The following MBOAT2 variants were observed in gnomAD, a reference collection of about 807,000 sequenced individuals.
The protein encoded by MBOAT2 is membrane bound glycerophospholipid O-acyltransferase 2, also known as membrane-bound glycerophospholipid O-acyltransferase 2.
MBOAT2 carries 28 observed loss-of-function variants against 63.4 expected under a neutral mutation model. That is an observed-to-expected ratio of 0.44 (90% CI 0.33 to 0.61). The LOEUF is 0.61. MBOAT2 is among the 20% of genes least tolerant of loss of function. MBOAT2 has a pLI of 0.03. For missense variants in MBOAT2, 470 were observed against 605.8 expected, an observed-to-expected ratio of 0.78 and a Z score of 2.35; for synonymous variants, 211 against 215.6, an observed-to-expected ratio of 0.98 and a Z score of 0.19.
intron 4 of MBOAT2, among the ~76,000 whole-genome samples, chr2:8,897,859 C>T (rs1292142200): frequency 1.3e-5 from 2 of 152,234 alleles, no homozygotes. Flanking sequence ...ATCTGAAGCA[C>T]TGGTCCCTCA....
At position 8,858,645 on chromosome 2, in the gene MBOAT2, C is replaced by CAA. The variant is rs35543955; in HGVS notation, c.*32_*33dup. The CAA allele has an allele frequency of 1.3e-3, 1,571 of 1,222,408 alleles. No homozygotes were observed. Among genetic ancestry groups the CAA allele is most frequent in the Non-Finnish European group, 1.5e-3 (1,331 of 890,544 alleles). The allele number at this position is 1,222,408 out of a possible 1,614,324, so 75.7% of individuals were successfully genotyped here. A position where few individuals can be genotyped will look rare whatever the true frequency, so the allele number is the denominator to read the frequency against. The stretch of plus-strand genomic sequence containing the variant: ...TGCTAAGATTGGTTTCTGTTAACAT[C>CAA]AAAAAAAAAAAACAGCCCTCAGAGC... On this transcript the variant is annotated 3_prime_UTR_variant, in exon 13 of 13. Transcript: ENST00000305997.
chr2:8,975,912 A>G (rs1670783637), intron 1 of MBOAT2, among the ~76,000 whole-genome samples: 1 of 151,784 alleles, frequency 6.6e-6, no homozygotes, highest in African/African-American at 2.4e-5. Context: ...ACTCTTTCTT[A>G]TCTCCTGAAT....
rs1050788947 is a variant in MBOAT2, at chr2:8,958,525, G to A, written c.193C>T (p.Leu65Phe). Residue 65 changes from leucine (L) to phenylalanine (F), a missense_variant, in exon 2 of 13, where the codon CTT (leucine) becomes TTT (phenylalanine). Physicochemically the swap from Leu to Phe is conservative, Grantham distance 22. Coordinates refer to ENST00000305997, the MANE Select transcript of MBOAT2 (RefSeq NM_138799.4). Reference protein sequence around the residue: ...IRHVVATLLGLYLALFCFGWY... With the variant: ...IRHVVATLLGFYLALFCFGWY... ...CCAAAGCAAAAAAGTGCAAGATAAA[G>A]GCCCAAAAGGGTAGCAACTACATGT... 6.2e-7 allele frequency: 1 copy of A among 1,601,194 alleles called. No individual in the cohort carries two copies. Among genetic ancestry groups the A allele is most frequent in the Non-Finnish European group, 8.5e-7 (1 of 1,176,616 alleles).
intron 1 of MBOAT2, among the ~76,000 whole-genome samples, chr2:8,969,438 C>T (rs1241456739): frequency 2.6e-5 from 4 of 152,162 alleles, no homozygotes; most frequent in Non-Finnish European, 5.9e-5. Context: ...TAAAGACCAT[C>T]GATGCTAGGA....
intron 1 of MBOAT2, among the ~76,000 whole-genome samples, chr2:8,959,636 A>AT (rs35972110): frequency 1.3e-5 from 2 of 151,828 alleles, no homozygotes; most frequent in Non-Finnish European, 2.9e-5. Context: ...TAATCTGTGC[A>AT]TTTTTTTGTA....
intron 3 of MBOAT2, among the ~76,000 whole-genome samples, chr2:8,909,244 T>G (rs541254032): frequency 6.6e-6 from 1 of 152,140 alleles, no homozygotes; most frequent in South Asian, 2.1e-4. Context: ...ATTAAAAACA[T>G]AGCATGGGAA....
Position 8,929,328 on chromosome 2 carries a change from T to TCA in MBOAT2, c.299+13858_299+13859insTG. On this transcript the variant is annotated intron_variant, in intron 3 of 12. Coordinates refer to ENST00000305997, the MANE Select transcript of MBOAT2 (RefSeq NM_138799.4). ...CCCATGGCTCTTACATTTTATTTATTTGTTCATTCATTCATTCATTCATTC... is the reference window on the plus strand; with the variant it reads ...CCCATGGCTCTTACATTTTATTTATTCATGTTCATTCATTCATTCATTCATTC... 2.0e-5 allele frequency among the ~76,000 whole-genome samples: 3 copies of TCA among 148,690 alleles called. No homozygotes were observed. In the South Asian group the frequency reaches 6.4e-4, roughly 32 times the overall value.
At chr2:8,969,631 T>G (rs904545446) in intron 1 of MBOAT2, among the ~76,000 whole-genome samples, 19 of 152,230 alleles carry the variant, frequency 1.2e-4, no homozygotes, top group African/African-American at 4.6e-4. Flanking sequence ...ACCCATCTCA[T>G]GTGCAGAGAC....
At chr2:8,882,380 TG>T (rs1663202128) in intron 6 of MBOAT2, 130 bp downstream of exon 6, 2 of 882,842 alleles carry the variant, frequency 2.3e-6, no homozygotes, top group Admixed American at 2.2e-5. Flanking sequence ...GGGAAGTGCA[TG>T]GAGAGAGTGA....
chr2:9,000,976 T>G (rs1672644752), intron 1 of MBOAT2, among the ~76,000 whole-genome samples: 2 of 152,164 alleles, frequency 1.3e-5, no homozygotes, highest in Non-Finnish European at 2.9e-5. Flanking sequence ...AAAATTTTTT[T>G]AATTTAAAAA....
chr2:8,891,364 CAT>C lies in MBOAT2; in HGVS notation c.396-3293_396-3292del, dbSNP rs770788057. Among the ~76,000 whole-genome samples the C allele has an allele frequency of 3.9e-5, 6 of 152,294 alleles. No individual in the cohort carries two copies. In the South Asian group the frequency reaches 8.3e-4, roughly 21 times the overall value. ...AATGCAAATTGGAGGGCAAAACAGA[CAT>C]ATGAGTCCAACGCAGCAGGTATATG... On this transcript the variant is annotated intron_variant, in intron 4 of 12. Transcript: ENST00000305997.
chr2:8,929,765 G>A (rs1194872811), intron 3 of MBOAT2, among the ~76,000 whole-genome samples: 1 of 152,130 alleles, frequency 6.6e-6, no homozygotes, highest in Non-Finnish European at 1.5e-5. Context: ...GGGTCAAATG[G>A]TTATTTGAGA....
Position 8,973,552 on chromosome 2 carries a change from T to TA in MBOAT2, c.76-14911dup, listed in dbSNP as rs540916253. ...ATAAATAAATAAAAGTAACTCAAGC[T>TA]AAAAAAAAAAAAAAGCAACAATATA... On this transcript the variant is annotated intron_variant, in intron 1 of 12. Transcript: ENST00000305997. 3.4e-3 allele frequency among the ~76,000 whole-genome samples: 448 copies of TA among 130,250 alleles called. 5 individuals are homozygous for TA. Among genetic ancestry groups the TA allele is most frequent in the Admixed American group, 5.3e-3 (68 of 12,764 alleles). The allele number at this position is 130,250 out of a possible 152,430, so 85.4% of individuals were successfully genotyped here. A position where few individuals can be genotyped will look rare whatever the true frequency, so the allele number is the denominator to read the frequency against.
intron 1 of MBOAT2, among the ~76,000 whole-genome samples, chr2:8,962,043 T>C (rs938245312): frequency 2.0e-5 from 3 of 152,152 alleles, no homozygotes; most frequent in Non-Finnish European, 2.9e-5. Context: ...CACTGTCTCA[T>C]AGACAACTTC....
At chr2:8,920,462 A>C (rs1217723502) in intron 3 of MBOAT2, among the ~76,000 whole-genome samples, 3 of 152,140 alleles carry the variant, frequency 2.0e-5, no homozygotes, top group Non-Finnish European at 4.4e-5. Flanking sequence ...CAGGAGTGTA[A>C]ATCTTCAAAC....
chr2:8,903,054 A>G (rs1665077547), intron 4 of MBOAT2, among the ~76,000 whole-genome samples: 1 of 152,128 alleles, frequency 6.6e-6, no homozygotes, highest in South Asian at 2.1e-4. Context: ...TGATTGGTGC[A>G]TTTACAATCC....
At chr2:8,889,810 CAAGAT>C (rs1366326759) in intron 4 of MBOAT2, among the ~76,000 whole-genome samples, 1 of 152,138 alleles carries the variant, frequency 6.6e-6, no homozygotes, top group Admixed American at 6.5e-5. Context: ...TATACATAGA[CAAGAT>C]GTTAAAAAAA....
intron 3 of MBOAT2, among the ~76,000 whole-genome samples, chr2:8,938,644 CTG>C (rs916325335): frequency 6.6e-6 from 1 of 150,962 alleles, no homozygotes; most frequent in African/African-American, 2.4e-5. Flanking sequence ...TCTCATGCCA[CTG>C]TGTCTCATGC....
chr2:8,916,061 T>C (rs1193330759), intron 3 of MBOAT2, among the ~76,000 whole-genome samples: 1 of 152,218 alleles, frequency 6.6e-6, no homozygotes, highest in Non-Finnish European at 1.5e-5. Context: ...GTGTGACACT[T>C]GCTGTTGGCA....
Sources: allele counts gnomAD v4.1 joint callset (sites outside exome capture counted in the v4.1 genomes callset), GRCh38; gene constraint gnomAD v4.1.1; transcripts MANE v1.5; gene names NCBI Gene and HGNC (gene_info 2026-07-23, HGNC 2026-07-21).